Variants in MACROD2 observed in about 807,000 individuals in gnomAD.
MACROD2 encodes the protein mono-ADP ribosylhydrolase 2, also known as ADP-ribose glycohydrolase MACROD2.
MACROD2 carries 36 observed loss-of-function variants against 70.4 expected under a neutral mutation model. The observed-to-expected ratio is 0.51, with a 90% confidence interval of 0.39 to 0.68. The LOEUF is 0.68. Among genes scored for constraint, MACROD2 ranks in the 30% least tolerant of loss-of-function variants. The pLI, the probability that MACROD2 is intolerant of heterozygous loss-of-function variation, is 0.00. For missense variants in MACROD2, 496 were observed against 538.4 expected, an observed-to-expected ratio of 0.92 and a Z score of 0.78; for synonymous variants, 172 against 178.8, an observed-to-expected ratio of 0.96 and a Z score of 0.30.
intron 5 of MACROD2, among the ~76,000 whole-genome samples, chr20:15,206,838 G>A (rs1328300175): frequency 2.1e-3 from 288 of 137,630 alleles, no homozygotes; most frequent in Admixed American, 3.6e-3. Flanking sequence ...CCGGGTTCAC[G>A]CCATTCTCCT....
chr20:15,132,836 C>G (rs2076116695), intron 5 of MACROD2, among the ~76,000 whole-genome samples: 1 of 151,866 alleles, frequency 6.6e-6, no homozygotes, highest in Non-Finnish European at 1.5e-5. Context: ...CAGGAAGTTG[C>G]AATAATTAAA....
chr20:15,792,850 A>G (rs532993817), intron 8 of MACROD2, among the ~76,000 whole-genome samples: 4 of 152,212 alleles, frequency 2.6e-5, no homozygotes, highest in Non-Finnish European at 5.9e-5. Flanking sequence ...CATGTTTTCT[A>G]AGATGTACTA....
intron 8 of MACROD2, among the ~76,000 whole-genome samples, chr20:15,822,749 A>G (rs887841744): frequency 3.3e-5 from 5 of 152,192 alleles, no homozygotes; most frequent in Admixed American, 1.3e-4. Context: ...GGAATATTCA[A>G]TCTGGCCTTT....
At chr20:14,066,044 A>AT (rs899026620) in intron 2 of MACROD2, among the ~76,000 whole-genome samples, 7 of 151,062 alleles carry the variant, frequency 4.6e-5, no homozygotes, top group South Asian at 2.1e-4. Context: ...TGTGGATTAC[A>AT]TTTTTTTTTC....
chr20:14,175,700 A>C (rs571092119), intron 3 of MACROD2, among the ~76,000 whole-genome samples: 1 of 152,262 alleles, frequency 6.6e-6, no homozygotes, highest in African/African-American at 2.4e-5. Flanking sequence ...CTGGCAAAGT[A>C]GTTTCTTTTT....
In MACROD2 at chr20:15,959,151, T is replaced by C. The variant is rs147887904; in HGVS notation, c.908-8402T>C. Reference sequence around the variant, plus strand: ...ATTGAAAATAACACTTTTAATTTAATCTTAAGTATTCTTCTTAAGGTTCTT... The same window carrying C: ...ATTGAAAATAACACTTTTAATTTAACCTTAAGTATTCTTCTTAAGGTTCTT... On this transcript the variant is annotated intron_variant, in intron 12 of 17. Transcript: ENST00000684519. Among the ~76,000 whole-genome samples the C allele has an allele frequency of 4.7e-3, 716 of 152,370 alleles. 5 individuals carry two copies. Among genetic ancestry groups the C allele is most frequent in the African/African-American group, 0.016 (683 of 41,600 alleles).
intron 2 of MACROD2, among the ~76,000 whole-genome samples, chr20:14,061,558 G>C (rs559567547): frequency 9.2e-5 from 14 of 152,134 alleles, no homozygotes; most frequent in African/African-American, 3.4e-4. Context: ...CAGAGTTTCA[G>C]GAAGGTGTGT....
chr20:16,004,657 G>A (rs2066763022), intron 15 of MACROD2, among the ~76,000 whole-genome samples: 1 of 152,210 alleles, frequency 6.6e-6, no homozygotes, highest in Non-Finnish European at 1.5e-5. Flanking sequence ...CGGCTCTGCG[G>A]CCCCTGTCAG....
At chr20:15,316,838 A>G (rs992222784) in intron 6 of MACROD2, among the ~76,000 whole-genome samples, 3 of 152,156 alleles carry the variant, frequency 2.0e-5, no homozygotes. Flanking sequence ...GAAATCATGT[A>G]AGTGATCTTC....
intron 4 of MACROD2, among the ~76,000 whole-genome samples, chr20:14,511,733 CAT>C (rs1407246257): frequency 7.0e-6 from 1 of 143,218 alleles, no homozygotes; most frequent in Non-Finnish European, 1.5e-5. Context: ...TAAATTTATT[CAT>C]ATATATTAAA....
intron 4 of MACROD2, among the ~76,000 whole-genome samples, chr20:14,601,190 A>G (rs1314151292): frequency 2.0e-5 from 3 of 152,166 alleles, no homozygotes; most frequent in African/African-American, 7.2e-5. Flanking sequence ...GTGGTCCCCA[A>G]CCTTCTGGCA....
Position 16,029,252 on chromosome 20 carries a change from G to A in MACROD2, c.1154-11949G>A, listed in dbSNP as rs1295132205. ...CTTGCAGGTTGGGGCTACAACCTTTGAATTTTGGGAGGACACAAATACTAA... is the reference window on the plus strand; with the variant it reads ...CTTGCAGGTTGGGGCTACAACCTTTAAATTTTGGGAGGACACAAATACTAA... On this transcript the variant is annotated intron_variant, in intron 15 of 17. Coordinates refer to ENST00000684519, the MANE Select transcript of MACROD2 (RefSeq NM_001351661.2). 2.6e-5 allele frequency among the ~76,000 whole-genome samples: 4 copies of A among 152,180 alleles called. No individual in the cohort carries two copies. The South Asian group carries it at 8.3e-4, about 32-fold the overall frequency.
At chr20:15,620,331 A>G (rs1218527243) in intron 8 of MACROD2, among the ~76,000 whole-genome samples, 3 of 152,148 alleles carry the variant, frequency 2.0e-5, no homozygotes, top group South Asian at 4.1e-4. Flanking sequence ...GGGGCCATCA[A>G]AGAAGGGATG....
chr20:15,772,101 A>AAAAT (rs1555777716), intron 8 of MACROD2, among the ~76,000 whole-genome samples: 3 of 91,422 alleles, frequency 3.3e-5, no homozygotes, highest in Non-Finnish European at 5.7e-5. Flanking sequence ...AAAAAAAAAA[A>AAAAT]ATATATATAT....
intron 3 of MACROD2, among the ~76,000 whole-genome samples, chr20:14,395,777 T>C (rs572770159): frequency 1.7e-4 from 26 of 152,246 alleles, no homozygotes; most frequent in Non-Finnish European, 3.4e-4. Context: ...GATGTTGGAA[T>C]ATTGTTTTAA....
At chr20:14,749,081 A>C (rs6079551) in intron 5 of MACROD2, among the ~76,000 whole-genome samples, 65,895 of 152,004 alleles carry the variant, frequency 0.43, 15,244 homozygotes, top group Non-Finnish European at 0.51. Context: ...TCTCATACAA[A>C]TAATAGTTAA....
chr20:14,327,336 T>C, intron 3 of MACROD2: 1 of 1,613,792 alleles, frequency 6.2e-7, no homozygotes, highest in Non-Finnish European at 8.5e-7. Context: ...TAGCATCCTC[T>C]GGTATTCCTG....
At chr20:15,732,763 C>CTTTTTT (rs5840686) in intron 8 of MACROD2, among the ~76,000 whole-genome samples, 3 of 147,780 alleles carry the variant, frequency 2.0e-5, no homozygotes, top group Admixed American at 6.7e-5. Flanking sequence ...TAGTTTTCCT[C>CTTTTTT]TTTTTTTTTT....
chr20:14,673,477 G>T (rs763446459), intron 4 of MACROD2, among the ~76,000 whole-genome samples: 1 of 152,158 alleles, frequency 6.6e-6, no homozygotes, highest in Non-Finnish European at 1.5e-5. Context: ...TTGAGGCTGG[G>T]TATGGGAATC....
Sources: allele counts gnomAD v4.1 joint callset (sites outside exome capture counted in the v4.1 genomes callset), GRCh38; gene constraint gnomAD v4.1.1; transcripts MANE v1.5; gene names NCBI Gene and HGNC (gene_info 2026-07-23, HGNC 2026-07-21).